Variants in ITFG1 observed in about 807,000 individuals in gnomAD.
ITFG1 encodes integrin alpha FG-GAP repeat containing 1, also known as T-cell immunomodulatory protein.
A neutral mutation model predicts 81.8 loss-of-function variants in ITFG1; 34 were observed. The observed-to-expected ratio is 0.42, with a 90% CI of 0.32 to 0.55. The LOEUF (loss-of-function observed/expected upper bound fraction) is 0.55. Among genes scored for constraint, ITFG1 ranks in the 20% least tolerant of loss-of-function variants. The pLI, the probability that ITFG1 is intolerant of heterozygous loss-of-function variation, is 0.17. For synonymous variants in ITFG1, 285 were observed against 270.6 expected, an observed-to-expected ratio of 1.05 and a Z score of -0.52; for missense variants, 672 against 755.4, an observed-to-expected ratio of 0.89 and a Z score of 1.29.
chr16:47,461,120 G>T, upstream of ITFG1: 1 of 1,364,896 alleles, frequency 7.3e-7, no homozygotes, highest in South Asian at 1.4e-5. Flanking sequence ...GTTACCGGCC[G>T]AGAGAGTGGC....
Position 47,413,512 on chromosome 16 carries a change from C to T in ITFG1, c.655+15292G>A, listed in dbSNP as rs190127250. On this transcript the variant is annotated intron_variant, in intron 6 of 17. Coordinates refer to ENST00000320640, the MANE Select transcript of ITFG1 (RefSeq NM_030790.5). Reference sequence around the variant, plus strand: ...GAGTTCAAGACTTGCCTGGGCAACACGGAGAAATCCTGTCTCTATAAAACG... The same window carrying T: ...GAGTTCAAGACTTGCCTGGGCAACATGGAGAAATCCTGTCTCTATAAAACG... Among the ~76,000 whole-genome samples the T allele has an allele frequency of 7.0e-3, 1,070 of 152,124 alleles. 9 individuals are homozygous for T. Among genetic ancestry groups the T allele is most frequent in the Non-Finnish European group, 0.013 (873 of 68,008 alleles).
At chr16:47,162,254 C>T (rs967264062) in intron 15 of ITFG1, among the ~76,000 whole-genome samples, 11 of 151,464 alleles carry the variant, frequency 7.3e-5, no homozygotes, top group African/African-American at 1.5e-4. Flanking sequence ...TTTATGTACA[C>T]GTTAGGTGGT....
At chr16:47,448,136 A>T (rs1227099477) in intron 5 of ITFG1, 1 of 152,180 alleles carries the variant, frequency 6.6e-6, no homozygotes, top group Non-Finnish European at 1.5e-5. Flanking sequence ...TATAAACCTC[A>T]TCATAATTTT....
rs182402123 is a variant in ITFG1, at chr16:47,182,806, C to A, written c.1454-20142G>T. ...AGGAAAAGCTCCGGTCTACAGCTCC[C>A]AGCGTGAGCAACGCAGAAGACGGGT... On this transcript the variant is annotated intron_variant, in intron 14 of 17. Coordinates refer to ENST00000320640, the MANE Select transcript of ITFG1 (RefSeq NM_030790.5). Among the ~76,000 whole-genome samples the A allele has an allele frequency of 2.1e-3, 325 of 152,330 alleles. 1 individual carries two copies. The highest frequency in any genetic ancestry group is 7.6e-3 in the African/African-American group (315 of 41,564).
At chr16:47,391,302 G>A (rs1451865667) in intron 6 of ITFG1, among the ~76,000 whole-genome samples, 1 of 152,170 alleles carries the variant, frequency 6.6e-6, no homozygotes, top group African/African-American at 2.4e-5. Context: ...TCCTACAGTT[G>A]AAGAGAGTCT....
In ITFG1 at chr16:47,162,608, C is replaced by T; in HGVS notation, c.1510G>A (p.Gly504Ser). 1 of 1,611,736 alleles carries T rather than the reference C, an allele frequency of 6.2e-7. No homozygotes were observed. The highest frequency in any genetic ancestry group is 8.5e-7 in the Non-Finnish European group (1 of 1,178,700). The change falls in exon 15 of 18, where the codon GGT becomes AGT. Residue 504 changes from glycine (G) to serine (S), a missense_variant. Around this residue, in one of 3 missense-constraint regions of ITFG1, gnomAD observed 560 missense variants for 625.7 expected, o/e 0.90. Coordinates refer to ENST00000320640, the MANE Select transcript of ITFG1 (RefSeq NM_030790.5). ...AGAAAATTTGCGCTCCGACCTAAACCAAGCACGTTGTATGGTAGTTGGAGA... is the reference window on the plus strand; with the variant it reads ...AGAAAATTTGCGCTCCGACCTAAACTAAGCACGTTGTATGGTAGTTGGAGA... ...LALQLPYNVL[G>S]LGRSANFLDH...
chr16:47,334,386 CT>C (rs1967675801), intron 8 of ITFG1, among the ~76,000 whole-genome samples: 1 of 152,102 alleles, frequency 6.6e-6, no homozygotes, highest in African/African-American at 2.4e-5. Flanking sequence ...CATGATCTCA[CT>C]ACTGCACTCC....
At chr16:47,181,305 A>T (rs1965110615) in intron 14 of ITFG1, among the ~76,000 whole-genome samples, 1 of 149,408 alleles carries the variant, frequency 6.7e-6, no homozygotes, top group Non-Finnish European at 1.5e-5. Flanking sequence ...CTGTCTGGGA[A>T]GTGAGGAGCG....
intron 2 of ITFG1, among the ~76,000 whole-genome samples, chr16:47,455,836 C>T (rs1247430607): frequency 2.0e-5 from 3 of 149,092 alleles, no homozygotes; most frequent in African/African-American, 7.4e-5. Flanking sequence ...GAGAAAACCT[C>T]CTGCAAAGGA....
At chr16:47,392,073 G>T (rs984926485) in intron 6 of ITFG1, among the ~76,000 whole-genome samples, 13 of 152,188 alleles carry the variant, frequency 8.5e-5, no homozygotes, top group African/African-American at 3.1e-4. Context: ...TGTGGGAGGG[G>T]TGTTTGGAAT....
chr16:47,361,604 C>T (rs559404108), intron 8 of ITFG1, among the ~76,000 whole-genome samples: 4 of 152,210 alleles, frequency 2.6e-5, no homozygotes, highest in South Asian at 4.2e-4. Flanking sequence ...TTATGGGTTG[C>T]AGATGTTCCA....
chr16:47,393,976 T>C (rs1049361490), intron 6 of ITFG1, among the ~76,000 whole-genome samples: 5 of 152,194 alleles, frequency 3.3e-5, no homozygotes, highest in African/African-American at 9.7e-5. Flanking sequence ...TCCTAAAGGA[T>C]AACTCAACTT....
chr16:47,188,314 G>A (rs553268436), intron 14 of ITFG1, among the ~76,000 whole-genome samples: 5 of 152,206 alleles, frequency 3.3e-5, no homozygotes, highest in Admixed American at 6.5e-5. Flanking sequence ...ACATGTGCAC[G>A]TATGTTTATT....
At chr16:47,310,959 A>G (rs1266271667) in intron 10 of ITFG1, among the ~76,000 whole-genome samples, 1 of 152,110 alleles carries the variant, frequency 6.6e-6, no homozygotes. Context: ...ACAACTTTTG[A>G]ACTTTTAAAG....
At position 47,459,172 on chromosome 16, in the gene ITFG1, T is replaced by A; in HGVS notation, c.212A>T (p.Asn71Ile). 6.3e-7 allele frequency: 1 copy of A among 1,587,110 alleles called. No individual in the cohort carries two copies. Among genetic ancestry groups the A allele is most frequent in the Non-Finnish European group, 8.7e-7 (1 of 1,155,884 alleles). Residue 71 changes from asparagine to isoleucine, a missense_variant, in exon 2 of 18, where the codon AAT becomes ATT. Physicochemically the swap from Asn to Ile is moderately radical, Grantham distance 149. This residue lies in a region of ITFG1 where 560 missense variants were observed against 625.7 expected (regional missense o/e 0.90). Coordinates refer to ENST00000320640, the MANE Select transcript of ITFG1 (RefSeq NM_030790.5). ...QTDLFVLRER[N>I]DLIVFLADQN... ...GTCTGCCAAAAAGACGATTAAGTCA[T>A]TTCCTAAAGAAAACAAATATATGAT...
At chr16:47,407,785 C>T (rs1484331947) in intron 6 of ITFG1, among the ~76,000 whole-genome samples, 2 of 152,118 alleles carry the variant, frequency 1.3e-5, no homozygotes, top group African/African-American at 4.8e-5. Flanking sequence ...CAGACATGGA[C>T]ATAAAAGTGG....
At chr16:47,365,340 A>C (rs894495006) in intron 8 of ITFG1, among the ~76,000 whole-genome samples, 1 of 152,218 alleles carries the variant, frequency 6.6e-6, no homozygotes, top group Non-Finnish European at 1.5e-5. Context: ...ACAGAAATTC[A>C]TATGTCCTCT....
chr16:47,323,040 C>T (rs1967472408), intron 8 of ITFG1, among the ~76,000 whole-genome samples: 1 of 152,002 alleles, frequency 6.6e-6, no homozygotes, highest in African/African-American at 2.4e-5. Context: ...CTCATGGATA[C>T]TTATCTAGTG....
intron 15 of ITFG1, 72 bp from the exon 16 acceptor site, chr16:47,161,904 ATGAAAAATC>A: frequency 1.1e-6 from 1 of 932,722 alleles, no homozygotes; most frequent in South Asian, 1.4e-5. Context: ...TAAATAAATA[ATGAAAAATC>A]TAGCTACTTT....
Sources: allele counts gnomAD v4.1 joint callset (sites outside exome capture counted in the v4.1 genomes callset), GRCh38; gene constraint gnomAD v4.1.1; regional missense constraint gnomAD v4.1.1; transcripts MANE v1.5; gene names NCBI Gene and HGNC (gene_info 2026-07-23, HGNC 2026-07-21).